MTMR11: variants seen among roughly 807,000 people sequenced by gnomAD.
MTMR11 encodes myotubularin-related protein 11.
Under a neutral mutation model 100.0 loss-of-function variants are expected in MTMR11, and 89 were observed. That is an observed-to-expected ratio of 0.89 (90% CI 0.75 to 1.06). The LOEUF is 1.06. Ranked by LOEUF, MTMR11 falls within the 50% of genes least tolerant of loss-of-function variation. MTMR11 has a pLI of 0.00. For missense variants in MTMR11, 809 were observed against 873.7 expected (o/e 0.93, Z 0.93); for synonymous variants, 336 against 326.3 (o/e 1.03, Z -0.32).
chr1:149,932,892 A>C (rs1375605587), intron 10 of MTMR11, among the ~76,000 whole-genome samples: 1 of 150,894 alleles, frequency 6.6e-6, no homozygotes, highest in East Asian at 2.0e-4. Context: ...TGGAGGTTGC[A>C]GTGAGCCGAG....
Position 149,930,947 on chromosome 1 carries a change from A to G in MTMR11, c.1309T>C (p.Phe437Leu), listed in dbSNP as rs782017215. The change falls in exon 14 of 17, where the codon TTC becomes CTC. Residue 437 changes from phenylalanine (F) to leucine (L), a missense_variant. Physicochemically the swap from Phe to Leu is conservative, Grantham distance 22. Transcript: ENST00000439741. ...AGGAGCTGCCAGACACAATCAAGGA[A>G]GAGGAGAAACACCGGAGCCTGAAAA... is the stretch of plus-strand genomic sequence containing the variant. ...ASEEAPVFLL[F>L]LDCVWQLLQQ... The G allele has an allele frequency of 6.2e-7, 1 of 1,605,584 alleles. No homozygotes were observed. Among genetic ancestry groups the G allele is most frequent in the South Asian group, 1.1e-5 (1 of 89,422 alleles).
Position 149,928,885 on chromosome 1 carries a change from G to A in MTMR11, c.*244C>T, listed in dbSNP as rs1553766630. The stretch of plus-strand genomic sequence containing the variant: ...TCATGATTTAACATCTGGTTATCCA[G>A]AAGGGATGGGATTGGCCTAAAAAAA... On this transcript the variant is annotated 3_prime_UTR_variant, in exon 17 of 17. Transcript: ENST00000439741. 2 of 1,613,892 alleles carry A rather than the reference G, an allele frequency of 1.2e-6. No individual in the cohort carries two copies. The highest frequency in any genetic ancestry group is 1.7e-6 in the Non-Finnish European group (2 of 1,179,908).
chr1:149,934,037 A>G, intron 7 of MTMR11, 95 bp from the exon 8 acceptor site: 1 of 1,543,332 alleles, frequency 6.5e-7, no homozygotes, highest in African/African-American at 1.4e-5. Flanking sequence ...GGACCATTCC[A>G]AGGGATTTCA....
At position 149,929,819 on chromosome 1, in the gene MTMR11, G is replaced by C. The variant is rs139934471; in HGVS notation, c.1745C>G (p.Pro582Arg). The C allele has an allele frequency of 1.5e-5, 25 of 1,614,076 alleles. No individual in the cohort carries two copies. The highest frequency in any genetic ancestry group is 2.1e-5 in the Non-Finnish European group (25 of 1,180,036). Residue 582 changes from proline to arginine, a missense_variant, in exon 16 of 17, where the codon CCT (proline) becomes CGT (arginine). Pro to Arg is a moderately radical substitution (Grantham distance 103). Transcript: ENST00000439741. ...LNQLCPWRDSPSLLAVSSRWL... is the reference protein window; with the variant it reads ...LNQLCPWRDSRSLLAVSSRWL... ...ACGAGAAGAGACTGCCAGCAGGGAA[G>C]GACTGTCCCGCCAAGGACAGAGCTG...
chr1:149,932,357 G>C (rs1553767876), intron 10 of MTMR11, 27 bp from the exon 11 acceptor site: 13 of 1,584,438 alleles, frequency 8.2e-6, no homozygotes, highest in Admixed American at 1.7e-5. Flanking sequence ...AGATCAGAAG[G>C]GCAAGAGATT....
At position 149,929,284 on chromosome 1, in the gene MTMR11, GGA is replaced by G; in HGVS notation, c.1973_1974del (p.Leu658ProfsTer3). The G allele has an allele frequency of 5.6e-6, 9 of 1,614,100 alleles. No homozygotes were observed. The highest frequency in any genetic ancestry group is 7.6e-6 in the Non-Finnish European group (9 of 1,180,004). ...MGLSAPTISGLQDELSHLQEL... is the reference protein window; with the variant it reads ...MGLSAPTISGXQDELSHLQEL... ...TCCTGAAGATGGGATAGCTCATCCT[GGA>G]GGCCAGAGATTGTGGGAGCTGAGAG... On this transcript the variant is annotated frameshift_variant, in exon 17 of 17. Coordinates refer to ENST00000439741, the MANE Select transcript of MTMR11 (RefSeq NM_001145862.2). LOFTEE classifies it high-confidence loss of function.
chr1:149,934,676 G>A, intron 5 of MTMR11, 150 bp from the exon 6 acceptor site: 1 of 854,276 alleles, frequency 1.2e-6, no homozygotes, highest in Non-Finnish European at 1.8e-6. Flanking sequence ...CTCAGGTCAT[G>A]GGGACTGGGG....
rs1341128062 is a variant in MTMR11 at position 149,928,779 on chromosome 1, G to A, written c.*350C>T. On this transcript the variant is annotated 3_prime_UTR_variant, in exon 17 of 17. Coordinates refer to ENST00000439741, the MANE Select transcript of MTMR11 (RefSeq NM_001145862.2). ...AACTATAAGGGAAGAAATAGAACTT[G>A]GAATTAAAGCAGCAGCAAGGCGAGG... 1.6e-6 allele frequency: 2 copies of A among 1,266,954 alleles called. No homozygotes were observed. The highest frequency in any genetic ancestry group is 2.3e-6 in the Non-Finnish European group (2 of 868,022). The allele number at this position is 1,266,954 out of a possible 1,614,324, so 78.5% of individuals were successfully genotyped here.
chr1:149,935,152 G>A (rs1489001533), intron 4 of MTMR11, 24 bp from the exon 5 acceptor site: 1 of 1,613,528 alleles, frequency 6.2e-7, no homozygotes, highest in Non-Finnish European at 8.5e-7. Context: ...GTACAGAACA[G>A]TGTAACCATG....
chr1:149,930,677 A>C (rs975065226), intron 14 of MTMR11, 115 bp downstream of exon 14: 2 of 1,357,290 alleles, frequency 1.5e-6, no homozygotes, highest in Non-Finnish European at 2.0e-6. Flanking sequence ...AATGAGAATA[A>C]ATCTCCCCCT....
rs2092700473 is a variant in MTMR11, at chr1:149,934,533, AG to A, written c.469-8del. On this transcript the variant is annotated splice_polypyrimidine_tract_variant and splice_region_variant and intron_variant, in intron 5 of 16. Coordinates refer to ENST00000439741, the MANE Select transcript of MTMR11 (RefSeq NM_001145862.2). ...GGACAATGGCCATGGTCACCTGCAGAGGAAAGGACATTCCATCCTTTTGGCT... is the reference window on the plus strand; with the variant it reads ...GGACAATGGCCATGGTCACCTGCAGAGAAAGGACATTCCATCCTTTTGGCT... 6.2e-7 allele frequency: 1 copy of A among 1,613,582 alleles called. No homozygotes were observed. The highest frequency in any genetic ancestry group is 1.1e-5 in the South Asian group (1 of 91,064).
rs2092613257 is a variant in MTMR11, at chr1:149,928,710, AGAG to A, written c.*416_*418del. On this transcript the variant is annotated 3_prime_UTR_variant, in exon 17 of 17. Transcript: ENST00000439741. ...AATAGAAATTCCACTACAAAAATAC[AGAG>A]GAGATAGGGTGTTTCCTGTATCCGC... The A allele has an allele frequency of 5.9e-6, 4 of 676,092 alleles. No individual in the cohort carries two copies. Among genetic ancestry groups the A allele is most frequent in the Non-Finnish European group, 7.6e-6 (3 of 393,064 alleles). 41.9% of individuals were successfully genotyped at this position (676,092 alleles called of 1,614,324 possible).
chr1:149,929,350 T>C (rs1475747827), intron 16 of MTMR11, 33 bp from the exon 17 acceptor site: 1 of 1,570,324 alleles, frequency 6.4e-7, no homozygotes, highest in Non-Finnish European at 8.8e-7. Flanking sequence ...CAGAGAAGAA[T>C]ACTGTTGTAG....
chr1:149,933,805 G>C (rs782041435), intron 8 of MTMR11, 50 bp downstream of exon 8: 1 of 1,606,778 alleles, frequency 6.2e-7, no homozygotes, highest in Non-Finnish European at 8.5e-7. Context: ...GATGTCCCTG[G>C]CCCACATGAC....
chr1:149,934,793 A>G (rs1444188637), intron 5 of MTMR11, among the ~76,000 whole-genome samples, 193 bp downstream of exon 5: 1 of 152,236 alleles, frequency 6.6e-6, no homozygotes, highest in East Asian at 1.9e-4. Context: ...CTGGTAATTA[A>G]TAGAGTAAGG....
At position 149,930,860 on chromosome 1, in the gene MTMR11, C is replaced by T; in HGVS notation, c.1396G>A (p.Val466Ile). ...EFFLLALHDS[V>I]RVPDTLTFLR... ...AAGGTAAGGGTGTCAGGAACCCTGA[C>T]ACTGTCATGAAGAGCAAGAAGGAAA... The change falls in exon 14 of 17, where the codon GTC becomes ATC. Residue 466 changes from valine to isoleucine, a missense_variant. Transcript: ENST00000439741. The T allele has an allele frequency of 6.2e-7, 1 of 1,612,466 alleles. No homozygotes were observed. Among genetic ancestry groups the T allele is most frequent in the South Asian group, 1.1e-5 (1 of 90,758 alleles).
chr1:149,936,524 TCCA>T, intron 1 of MTMR11, 55 bp downstream of exon 1: 1 of 1,340,556 alleles, frequency 7.5e-7, no homozygotes, highest in Non-Finnish European at 1.0e-6. Context: ...CCCTTTTATC[TCCA>T]CCTCATCCCC....
chr1:149,936,503 C>A, intron 1 of MTMR11, 79 bp downstream of exon 1: 1 of 1,283,950 alleles, frequency 7.8e-7, no homozygotes, highest in South Asian at 1.3e-5. Context: ...TCCTCTAGAG[C>A]CTTTGCTTCC....
In MTMR11 at chr1:149,931,252, A is replaced by G; in HGVS notation, c.1290+8T>C. 6.2e-7 allele frequency: 1 copy of G among 1,614,036 alleles called. No individual in the cohort carries two copies. The highest frequency in any genetic ancestry group is 8.5e-7 in the Non-Finnish European group (1 of 1,179,970). Reference sequence around the variant, plus strand: ...TATGCCCCCGATGCCATCCCGAATCATTCTCACCTCTTCACTGGCCCCAGT... The same window carrying G: ...TATGCCCCCGATGCCATCCCGAATCGTTCTCACCTCTTCACTGGCCCCAGT... On this transcript the variant is annotated splice_region_variant and intron_variant, in intron 13 of 16. Transcript: ENST00000439741.
Sources: gnomAD v4.1 joint callset for allele counts (sites outside exome capture counted in the v4.1 genomes callset) on GRCh38, gnomAD v4.1.1 for gene constraint, MANE v1.5 for transcripts, NCBI Gene and HGNC (gene_info 2026-07-23, HGNC 2026-07-21) for gene names.